UBAP2L: variants seen among roughly 807,000 people sequenced by gnomAD.
UBAP2L encodes ubiquitin-associated protein 2-like.
UBAP2L carries 12 observed loss-of-function variants against 130.6 expected under a neutral mutation model. The ratio of observed to expected loss-of-function variants is 0.09; its 90% CI spans 0.06 to 0.15. The LOEUF (loss-of-function observed/expected upper bound fraction) is 0.15, where lower values mean the gene tolerates loss of function less well. UBAP2L is among the 10% of genes least tolerant of loss of function. The probability of loss-of-function intolerance (pLI) is 1.00; values close to 1 mark genes in which losing one functional copy is unlikely to be tolerated. For synonymous variants in UBAP2L, 503 were observed against 524.7 expected (o/e 0.96, Z 0.57); for missense variants, 965 against 1,332.5 (o/e 0.72, Z 4.29).
At chr1:154,232,915 C>T (rs928050172) in intron 4 of UBAP2L, among the ~76,000 whole-genome samples, 1 of 152,120 alleles carries the variant, frequency 6.6e-6, no homozygotes, top group African/African-American at 2.4e-5. Context: ...CTGGGCTGGT[C>T]TCAGATTCCT....
intron 11 of UBAP2L, among the ~76,000 whole-genome samples, chr1:154,248,511 G>A (rs1676370968): frequency 6.6e-6 from 1 of 152,102 alleles, no homozygotes; most frequent in Admixed American, 6.6e-5. Context: ...TATGTTAATT[G>A]TATTGGTTGA....
In UBAP2L at chr1:154,220,994, C is replaced by G. The variant is rs934680370; in HGVS notation, c.-41+19C>G. 5.2e-6 allele frequency: 1 copy of G among 190,994 alleles called. No homozygotes were observed. The highest frequency in any genetic ancestry group is 1.1e-5 in the Non-Finnish European group (1 of 91,916). 11.8% of individuals were successfully genotyped at this position (190,994 alleles called of 1,614,324 possible). On this transcript the variant is annotated intron_variant, in intron 1 of 26. Transcript: ENST00000428931. ...GACTGAGGTAAAGTTGGGAGCGCAG[C>G]GGCGTTGGCGGCGGCGGCGGCGGCA...
At chr1:154,235,939 CTAGT>C (rs1671527962) in intron 6 of UBAP2L, among the ~76,000 whole-genome samples, 1 of 152,048 alleles carries the variant, frequency 6.6e-6, no homozygotes, top group Non-Finnish European at 1.5e-5. Context: ...AACATGAAGT[CTAGT>C]TAGTTAATTC....
At chr1:154,254,917 C>A in intron 16 of UBAP2L, 27 bp downstream of exon 16, 1 of 1,586,312 alleles carries the variant, frequency 6.3e-7, no homozygotes, top group South Asian at 1.2e-5. Context: ...CTTTTCCCCT[C>A]CTAAGTTTCT....
intron 4 of UBAP2L, among the ~76,000 whole-genome samples, chr1:154,230,038 C>T (rs1007649321): frequency 3.0e-4 from 46 of 151,224 alleles, no homozygotes; most frequent in African/African-American, 1.1e-3. Context: ...TTTTTTGAGA[C>T]GGTGTCTCTC....
chr1:154,227,489 A>T, intron 3 of UBAP2L, 130 bp downstream of exon 3: 1 of 755,132 alleles, frequency 1.3e-6, no homozygotes, highest in Non-Finnish European at 2.2e-6. Flanking sequence ...CTGAAATATA[A>T]TAGGTCAGGC....
At chr1:154,243,343 TCTG>T in intron 10 of UBAP2L, 41 bp downstream of exon 10, 1 of 1,572,948 alleles carries the variant, frequency 6.4e-7, no homozygotes, top group Non-Finnish European at 8.7e-7. Flanking sequence ...CTTAAACACA[TCTG>T]CTGAGATTAC....
intron 21 of UBAP2L, 142 bp from the exon 22 acceptor site, chr1:154,259,806 G>T: frequency 1.1e-6 from 1 of 909,170 alleles, no homozygotes; most frequent in African/African-American, 1.6e-5. Context: ...TGTGGAGTTT[G>T]TGCTAACTCT....
At chr1:154,251,678 C>A (rs1180093142) in intron 14 of UBAP2L, 25 bp downstream of exon 14, 2 of 1,611,854 alleles carry the variant, frequency 1.2e-6, no homozygotes, top group Non-Finnish European at 1.7e-6. Context: ...AACCATAAGA[C>A]CTCTCTTATT....
chr1:154,267,151 G>GTTTT (rs36051247), intron 25 of UBAP2L, among the ~76,000 whole-genome samples: 42 of 108,626 alleles, frequency 3.9e-4, no homozygotes, highest in Non-Finnish European at 6.2e-4. Flanking sequence ...TATCCAACGA[G>GTTTT]TTTTTTTTTT....
intron 12 of UBAP2L, among the ~76,000 whole-genome samples, chr1:154,250,402 C>T (rs1225723759): frequency 6.6e-6 from 1 of 151,910 alleles, no homozygotes; most frequent in African/African-American, 2.4e-5. Context: ...AAGGAAACAA[C>T]GTTATGCCAA....
At chr1:154,254,580 C>T (rs538182820) in intron 15 of UBAP2L, 1 of 552,864 alleles carries the variant, frequency 1.8e-6, no homozygotes, top group Non-Finnish European at 3.1e-6. Flanking sequence ...TTTGGGGTGT[C>T]TTCAACAATT....
At chr1:154,250,213 C>T (rs1677055931) in intron 12 of UBAP2L, among the ~76,000 whole-genome samples, 2 of 152,130 alleles carry the variant, frequency 1.3e-5, no homozygotes, top group African/African-American at 2.4e-5. Context: ...CTTGTACCAC[C>T]ATGCCTGGCT....
At chr1:154,263,304 T>C in intron 24 of UBAP2L, 1 of 1,440,744 alleles carries the variant, frequency 6.9e-7, no homozygotes, top group Non-Finnish European at 9.1e-7. Flanking sequence ...CCTTCTGGGC[T>C]TTTGAACTTG....
chr1:154,253,958 C>T lies in UBAP2L; in HGVS notation c.1723C>T (p.Pro575Ser), dbSNP rs1678770445. 1 of 1,613,898 alleles carries T rather than the reference C, an allele frequency of 6.2e-7. No homozygotes were observed. Among genetic ancestry groups the T allele is most frequent in the South Asian group, 1.1e-5 (1 of 91,066 alleles). Residue 575 changes from proline (P) to serine (S), a missense_variant, in exon 15 of 27, where the codon CCA becomes TCA. Transcript: ENST00000428931. ...QSQESGYQSG[P>S]IQSTTYTSQN... ...TCAGGAGTCTGGTTATCAGAGCGGC[C>T]CAATTCAGTCGACAACCTATACCTC... is the stretch of plus-strand genomic sequence containing the variant.
At position 154,260,025 on chromosome 1, in the gene UBAP2L, T is replaced by C. The variant is rs1044275323; in HGVS notation, c.2574T>C (p.Tyr858=). 1 of 1,614,130 alleles carries C rather than the reference T, an allele frequency of 6.2e-7. No individual in the cohort carries two copies. The highest frequency in any genetic ancestry group is 1.1e-5 in the South Asian group (1 of 91,082). The part of the protein sequence containing the change: ...GRDGSLASNP[Y]SGDLTKFGRG... The stretch of plus-strand genomic sequence containing the variant: ...ATGGTAGCCTGGCCAGCAACCCTTA[T>C]TCTGGTAGGATTGGGATGGGACTAA... The change falls in exon 22 of 27, where the codon TAT becomes TAC. Residue 858 remains tyrosine (Y), a synonymous_variant. Transcript: ENST00000428931.
intron 8 of UBAP2L, 33 bp from the exon 9 acceptor site, chr1:154,241,480 T>C (rs1180006215): frequency 3.1e-6 from 5 of 1,606,830 alleles, no homozygotes; most frequent in Non-Finnish European, 4.3e-6. Context: ...CATTTAATAG[T>C]GAAGTTACTT....
intron 8 of UBAP2L, among the ~76,000 whole-genome samples, chr1:154,240,036 G>T (rs1673000104): frequency 1.3e-5 from 2 of 152,156 alleles, no homozygotes; most frequent in South Asian, 4.1e-4. Flanking sequence ...TTTTAGATGG[G>T]CTTTGTATTA....
chr1:154,250,670 A>G (rs1018834551), intron 12 of UBAP2L, among the ~76,000 whole-genome samples: 1 of 152,052 alleles, frequency 6.6e-6, no homozygotes, highest in African/African-American at 2.4e-5. Context: ...CCTGGCCAAC[A>G]TGACAAAACC....
Sources: gnomAD v4.1 joint callset for allele counts (sites outside exome capture counted in the v4.1 genomes callset) on GRCh38, gnomAD v4.1.1 for gene constraint, MANE v1.5 for transcripts, NCBI Gene and HGNC (gene_info 2026-07-23, HGNC 2026-07-21) for gene names.